The following SFMBT1 variants were observed in gnomAD, a reference collection of about 807,000 sequenced individuals.
The protein encoded by SFMBT1 is scm-like with four MBT domains protein 1.
Under a neutral mutation model 108.7 loss-of-function variants are expected in SFMBT1, and 32 were observed. The ratio of observed to expected loss-of-function variants is 0.29; its 90% CI spans 0.22 to 0.40. SFMBT1 has a LOEUF of 0.40. Ranked by LOEUF, SFMBT1 falls within the 10% of genes least tolerant of loss-of-function variation. The pLI is 1.00. For synonymous variants in SFMBT1, 348 were observed against 369.5 expected, an observed-to-expected ratio of 0.94 and a Z score of 0.67; for missense variants, 816 against 1,059.6, an observed-to-expected ratio of 0.77 and a Z score of 3.19.
In SFMBT1 at chr3:52,949,568, CTTTTTTTTTTTTT is replaced by C. The variant is rs59842273; in HGVS notation, c.123+4736_123+4748del. On this transcript the variant is annotated intron_variant, in intron 3 of 20. Coordinates refer to ENST00000394752, the MANE Select transcript of SFMBT1 (RefSeq NM_016329.4). ...CCCTTTATTATTATGTAATGTCCTT[CTTTTTTTTTTTTT>C]TTTTTTTTTTTTTTGAGACCGAGTT... 1.3e-4 allele frequency among the ~76,000 whole-genome samples: 10 copies of C among 77,416 alleles called. No homozygotes were observed. In the East Asian group the frequency reaches 2.0e-3, roughly 15 times the overall value. 50.8% of individuals were successfully genotyped at this position (77,416 alleles called of 152,430 possible). A position where few individuals can be genotyped will look rare whatever the true frequency, so the allele number is the denominator to read the frequency against.
intron 1 of SFMBT1, among the ~76,000 whole-genome samples, chr3:52,983,647 G>A (rs568744220): frequency 6.6e-6 from 1 of 152,328 alleles, no homozygotes; most frequent in South Asian, 2.1e-4. Context: ...ATGAGGAAGT[G>A]AGCCATGTGG....
chr3:53,003,029 G>A (rs1698612783), intron 1 of SFMBT1, among the ~76,000 whole-genome samples: 1 of 144,576 alleles, frequency 6.9e-6, no homozygotes, highest in South Asian at 2.2e-4. Flanking sequence ...GGCTGAGGCA[G>A]GAGGAACACT....
chr3:52,917,869 C>T lies in SFMBT1; in HGVS notation c.1415+615G>A, dbSNP rs187307055. Among the ~76,000 whole-genome samples the T allele has an allele frequency of 2.8e-4, 43 of 152,286 alleles. No homozygotes were observed. The East Asian group carries it at 5.8e-3, about 20-fold the overall frequency. On this transcript the variant is annotated intron_variant, in intron 13 of 20. Transcript: ENST00000394752. ...CGAAACCGGTCCCTGGTGCCAAAAA[C>T]GTTGGGGACCGCTGGTTTAAAGCCA...
At chr3:53,013,756 G>T (rs1429123057) in intron 1 of SFMBT1, among the ~76,000 whole-genome samples, 1 of 147,546 alleles carries the variant, frequency 6.8e-6, no homozygotes, top group Non-Finnish European at 1.5e-5. Flanking sequence ...AGCCTCCCAA[G>T]TAGCTAGGAT....
chr3:53,015,203 C>A (rs1434524028), intron 1 of SFMBT1, among the ~76,000 whole-genome samples: 1 of 150,230 alleles, frequency 6.7e-6, no homozygotes, highest in Non-Finnish European at 1.5e-5. Flanking sequence ...GTGAGAGAGA[C>A]CCTGTCCCAA....
chr3:53,032,676 A>G (rs1699728400), intron 1 of SFMBT1, among the ~76,000 whole-genome samples: 1 of 152,210 alleles, frequency 6.6e-6, no homozygotes, highest in Admixed American at 6.5e-5. Context: ...ATTCAGCTAT[A>G]ATTTATTTAG....
At chr3:52,928,591 C>CATATATATACATATAT (rs1702736034) in intron 8 of SFMBT1, 2 of 135,564 alleles carry the variant, frequency 1.5e-5, no homozygotes, top group East Asian at 2.1e-4. Flanking sequence ...TACATATATA[C>CATATATATACATATAT]ATATATATAC....
Position 52,932,209 on chromosome 3 carries a change from C to T in SFMBT1, c.553G>A (p.Val185Ile). 6.2e-7 allele frequency: 1 copy of T among 1,614,182 alleles called. No homozygotes were observed. Among genetic ancestry groups the T allele is most frequent in the Non-Finnish European group, 8.5e-7 (1 of 1,180,030 alleles). The change falls in exon 6 of 21, where the codon GTA becomes ATA. Residue 185 changes from valine to isoleucine, a missense_variant. Val to Ile is a conservative substitution (Grantham distance 29). Transcript: ENST00000394752. ...DSLSTWIVTV[V>I]ENIGGRLKLR... is the part of the protein sequence containing the mutation. ...TTCAGCCTTCCTCCAATGTTTTCTACTACAGTAACAATCCAAGTGCTTAAA... is the reference window on the plus strand; with the variant it reads ...TTCAGCCTTCCTCCAATGTTTTCTATTACAGTAACAATCCAAGTGCTTAAA...
chr3:52,929,294 C>T (rs1702784996), intron 8 of SFMBT1, among the ~76,000 whole-genome samples: 1 of 152,158 alleles, frequency 6.6e-6, no homozygotes, highest in Non-Finnish European at 1.5e-5. Context: ...GGCTGGAGTG[C>T]AATGGCACAA....
chr3:52,920,518 C>A lies in SFMBT1; in HGVS notation c.1372+19G>T. The A allele has an allele frequency of 6.4e-7, 1 of 1,563,046 alleles. No homozygotes were observed. Among genetic ancestry groups the A allele is most frequent in the Non-Finnish European group, 8.7e-7 (1 of 1,150,758 alleles). On this transcript the variant is annotated intron_variant, in intron 12 of 20. Coordinates refer to ENST00000394752, the MANE Select transcript of SFMBT1 (RefSeq NM_016329.4). ...GATTATTTAACAATCAATCCTCTAA[C>A]CCAGAAATAGACAGATACCTCGTGC...
At position 52,930,362 on chromosome 3, in the gene SFMBT1, A is replaced by C. The variant is rs775301662; in HGVS notation, c.864T>G (p.Ser288=). ...CTGTAGCAGGAGAGATCCCAAAAGG[A>C]GACCAGGGGTCTACAGCTTCCAATT... is the stretch of plus-strand genomic sequence containing the variant. The part of the protein sequence containing the change: ...NMKLEAVDPW[S]PFGISPATVV... Residue 288 remains serine, a synonymous_variant, in exon 8 of 21, where the codon TCT becomes TCG. Coordinates refer to ENST00000394752, the MANE Select transcript of SFMBT1 (RefSeq NM_016329.4). The C allele has an allele frequency of 6.2e-7, 1 of 1,612,482 alleles. No homozygotes were observed. The highest frequency in any genetic ancestry group is 1.7e-5 in the Admixed American group (1 of 60,026).
At chr3:52,987,654 T>A (rs1371882908) in intron 1 of SFMBT1, among the ~76,000 whole-genome samples, 1 of 152,200 alleles carries the variant, frequency 6.6e-6, no homozygotes, top group African/African-American at 2.4e-5. Flanking sequence ...AATTGTGAGG[T>A]ATGTCTTATA....
At chr3:52,951,345 T>G (rs1019487638) in intron 3 of SFMBT1, among the ~76,000 whole-genome samples, 4 of 152,040 alleles carry the variant, frequency 2.6e-5, no homozygotes, top group Non-Finnish European at 5.9e-5. Context: ...TACTAAAGAT[T>G]TTCTCAGGCA....
intron 1 of SFMBT1, among the ~76,000 whole-genome samples, chr3:52,996,925 C>T (rs373480879): frequency 6.7e-6 from 1 of 149,490 alleles, no homozygotes; most frequent in Non-Finnish European, 1.5e-5. Context: ...AAAAATTAGC[C>T]GGGCGTAGTG....
chr3:52,982,398 T>C (rs932259239), intron 1 of SFMBT1, among the ~76,000 whole-genome samples: 2 of 152,116 alleles, frequency 1.3e-5, no homozygotes, highest in African/African-American at 2.4e-5. Context: ...AAAGAGGTTG[T>C]AGATACGGCC....
intron 1 of SFMBT1, among the ~76,000 whole-genome samples, chr3:53,015,566 T>C (rs1481313672): frequency 6.6e-6 from 1 of 152,162 alleles, no homozygotes; most frequent in African/African-American, 2.4e-5. Flanking sequence ...ATAAATAAGA[T>C]GTGACATAGC....
chr3:52,930,213 C>T (rs558930153), intron 8 of SFMBT1, 116 bp downstream of exon 8: 295 of 664,662 alleles, frequency 4.4e-4, no homozygotes, highest in Non-Finnish European at 7.1e-4. Flanking sequence ...TCTAGCTGCA[C>T]GGCCTAGAAG....
rs1704077534 is a variant in SFMBT1 at position 52,964,798 on chromosome 3, C to T, written c.28+4303G>A. 2.6e-5 allele frequency among the ~76,000 whole-genome samples: 4 copies of T among 152,160 alleles called. 1 individual carries two copies. Among genetic ancestry groups the T allele is most frequent in the Admixed American group, 2.6e-4 (4 of 15,280 alleles). ...CGTCACATCAGAAGAACACAGGAAC[C>T]AGTCTGAAACAACTCTTGCTGCTCT... On this transcript the variant is annotated intron_variant, in intron 2 of 20. Transcript: ENST00000394752.
intron 1 of SFMBT1, among the ~76,000 whole-genome samples, chr3:53,023,251 T>C (rs1699374155): frequency 6.6e-6 from 1 of 152,220 alleles, no homozygotes; most frequent in African/African-American, 2.4e-5. Context: ...ACAGATTTAC[T>C]GAACTCAAGG....
Sources: gnomAD v4.1 joint callset for allele counts (sites outside exome capture counted in the v4.1 genomes callset) on GRCh38, gnomAD v4.1.1 for gene constraint, MANE v1.5 for transcripts, NCBI Gene and HGNC (gene_info 2026-07-23, HGNC 2026-07-21) for gene names.